SMOC2: variants seen among roughly 807,000 people sequenced by gnomAD.
SMOC2 encodes SPARC related modular calcium binding 2.
In SMOC2, 39 loss-of-function variants were observed where a neutral mutation model predicts 61.4. The observed-to-expected ratio is 0.64, with a 90% CI of 0.49 to 0.83. The LOEUF (loss-of-function observed/expected upper bound fraction) is 0.83, where lower values mean the gene tolerates loss of function less well. Ranked by LOEUF, SMOC2 falls within the 40% of genes least tolerant of loss-of-function variation. SMOC2 has a pLI of 0.00. For synonymous variants in SMOC2, 247 were observed against 239.9 expected (o/e 1.03, Z -0.27); for missense variants, 556 against 592.9 (o/e 0.94, Z 0.65).
intron 1 of SMOC2, among the ~76,000 whole-genome samples, chr6:168,462,548 C>T (rs1378185331): frequency 5.3e-5 from 8 of 152,104 alleles, no homozygotes; most frequent in Admixed American, 3.9e-4. Context: ...ACCAAGACCT[C>T]GTCTCTGTGG....
At chr6:168,637,967 G>C (rs1786785393) in intron 9 of SMOC2, among the ~76,000 whole-genome samples, 1 of 151,778 alleles carries the variant, frequency 6.6e-6, no homozygotes. Flanking sequence ...AGCCAGGCGT[G>C]CCCCTGCCCC....
intron 7 of SMOC2, among the ~76,000 whole-genome samples, chr6:168,575,890 T>C (rs1213928620): frequency 2.0e-5 from 3 of 151,018 alleles, no homozygotes; most frequent in African/African-American, 5.0e-5. Flanking sequence ...ATTGTGACTT[T>C]ACTGACTTGG....
At chr6:168,448,988 C>T (rs927330298) in intron 1 of SMOC2, among the ~76,000 whole-genome samples, 35 of 152,110 alleles carry the variant, frequency 2.3e-4, no homozygotes, top group African/African-American at 7.7e-4. Context: ...GTCTAATGTG[C>T]CACTCAAAAT....
intron 7 of SMOC2, among the ~76,000 whole-genome samples, chr6:168,586,363 T>C (rs1785047295): frequency 6.6e-6 from 1 of 152,238 alleles, no homozygotes; most frequent in African/African-American, 2.4e-5. Context: ...CTGTCCTTTT[T>C]CCACTAACAT....
intron 11 of SMOC2, among the ~76,000 whole-genome samples, chr6:168,660,330 G>C (rs1787476653): frequency 1.3e-5 from 2 of 152,172 alleles, no homozygotes; most frequent in African/African-American, 2.4e-5. Context: ...TCAAAAGGTT[G>C]TCAGTTCCTT....
At chr6:168,444,199 CTA>C (rs988350179) in intron 1 of SMOC2, among the ~76,000 whole-genome samples, 1 of 152,186 alleles carries the variant, frequency 6.6e-6, no homozygotes, top group Non-Finnish European at 1.5e-5. Context: ...ATGTGGGACT[CTA>C]TAGACCAAGG....
At chr6:168,495,277 C>T (rs1583056426) in intron 1 of SMOC2, among the ~76,000 whole-genome samples, 1 of 151,950 alleles carries the variant, frequency 6.6e-6, no homozygotes. Flanking sequence ...GCGGGTCCAC[C>T]CCCCTCTAAC....
rs143424043 is a variant in SMOC2 at position 168,559,475 on chromosome 6, AAAAATAAAAT to A, written c.637+10289_637+10298del. On this transcript the variant is annotated intron_variant, in intron 7 of 12. Coordinates refer to ENST00000356284, the MANE Select transcript of SMOC2 (RefSeq NM_001166412.2). The stretch of plus-strand genomic sequence containing the variant: ...GTCTCAAAAAAATAAAAATAAAAAT[AAAAATAAAAT>A]AAAATAAAATAAAATAGTAACATAG... 2.1e-3 allele frequency among the ~76,000 whole-genome samples: 316 copies of A among 150,240 alleles called. 2 individuals carry two copies. The highest frequency in any genetic ancestry group is 5.2e-3 in the Admixed American group (78 of 15,132).
At position 168,441,197 on chromosome 6, in the gene SMOC2, T is replaced by C. The variant is rs1261265204; in HGVS notation, c.-174T>C. On this transcript the variant is annotated 5_prime_UTR_variant, in exon 1 of 13. Coordinates refer to ENST00000356284, the MANE Select transcript of SMOC2 (RefSeq NM_001166412.2). Reference sequence around the variant, plus strand: ...GCGGACGCAAAGAACGCGGAGGACCTCTGGGTGCCTGCAGGGGAGCTGCTC... The same window carrying C: ...GCGGACGCAAAGAACGCGGAGGACCCCTGGGTGCCTGCAGGGGAGCTGCTC... 1 of 962,772 alleles carries C rather than the reference T, an allele frequency of 1.0e-6. No homozygotes were observed. 59.6% of individuals were successfully genotyped at this position (962,772 alleles called of 1,614,324 possible).
intron 1 of SMOC2, among the ~76,000 whole-genome samples, chr6:168,442,535 G>A (rs1192242325): frequency 6.6e-6 from 1 of 152,262 alleles, no homozygotes; most frequent in Non-Finnish European, 1.5e-5. Context: ...TTTTGAACAA[G>A]TGTTTGAGAA....
At chr6:168,549,399 C>T (rs1195278753) in intron 7 of SMOC2, among the ~76,000 whole-genome samples, 196 bp downstream of exon 7, 1 of 151,862 alleles carries the variant, frequency 6.6e-6, no homozygotes, top group Non-Finnish European at 1.5e-5. Flanking sequence ...AGACTGGCAG[C>T]CTTACCCATA....
At chr6:168,481,598 G>A (rs924254099) in intron 1 of SMOC2, among the ~76,000 whole-genome samples, 2 of 151,974 alleles carry the variant, frequency 1.3e-5, no homozygotes, top group Admixed American at 6.5e-5. Flanking sequence ...GGACATGCAG[G>A]AAATGAGGGA....
intron 8 of SMOC2, among the ~76,000 whole-genome samples, chr6:168,600,252 A>G (rs1409559265): frequency 6.6e-6 from 1 of 151,920 alleles, no homozygotes; most frequent in East Asian, 1.9e-4. Flanking sequence ...GTAAAAATAC[A>G]AAAAATTAGC....
intron 1 of SMOC2, among the ~76,000 whole-genome samples, chr6:168,462,595 G>T (rs1313921251): frequency 6.6e-6 from 1 of 152,168 alleles, no homozygotes; most frequent in Non-Finnish European, 1.5e-5. Context: ...GCTCCATTTG[G>T]TGCTCTCCAG....
chr6:168,534,815 C>T (rs1416974439), intron 4 of SMOC2, among the ~76,000 whole-genome samples: 3 of 152,136 alleles, frequency 2.0e-5, no homozygotes, highest in East Asian at 1.9e-4. Flanking sequence ...CCCTTTGTTG[C>T]ACCTCATCTA....
intron 8 of SMOC2, among the ~76,000 whole-genome samples, chr6:168,604,626 T>C (rs903887953): frequency 6.6e-6 from 1 of 152,240 alleles, no homozygotes; most frequent in Non-Finnish European, 1.5e-5. Flanking sequence ...ATGTTTGTTT[T>C]CTTTAATCAT....
At chr6:168,514,819 G>A (rs922984933) in intron 2 of SMOC2, among the ~76,000 whole-genome samples, 1 of 152,158 alleles carries the variant, frequency 6.6e-6, no homozygotes, top group Admixed American at 6.5e-5. Flanking sequence ...AGAAGCTTCC[G>A]CTTTAGCCGT....
intron 11 of SMOC2, among the ~76,000 whole-genome samples, chr6:168,659,068 G>C (rs985880520): frequency 4.4e-5 from 1 of 22,562 alleles, no homozygotes; most frequent in African/African-American, 1.5e-4. Context: ...GTGTGTGTGT[G>C]AGTGGTGTGT....
chr6:168,662,709 C>T (rs1370975903), intron 11 of SMOC2, among the ~76,000 whole-genome samples: 4 of 152,120 alleles, frequency 2.6e-5, no homozygotes, highest in Non-Finnish European at 4.4e-5. Flanking sequence ...GGTGTCTGCT[C>T]GGGTCCACGT....
Sources: gnomAD v4.1 joint callset for allele counts (sites outside exome capture counted in the v4.1 genomes callset) on GRCh38, gnomAD v4.1.1 for gene constraint, MANE v1.5 for transcripts, NCBI Gene and HGNC (gene_info 2026-07-23, HGNC 2026-07-21) for gene names.